Variants in INTS9 observed in about 807,000 individuals in gnomAD.
The protein encoded by INTS9 is integrator complex subunit 9.
Under a neutral mutation model 79.7 loss-of-function variants are expected in INTS9, and 55 were observed. That is an observed-to-expected ratio of 0.69 (90% CI 0.56 to 0.86). INTS9 has a LOEUF of 0.86. Ranked by LOEUF, INTS9 falls within the 40% of genes least tolerant of loss-of-function variation. The pLI, the probability that INTS9 is intolerant of heterozygous loss-of-function variation, is 0.00. For synonymous variants in INTS9, 319 were observed against 325.2 expected, an observed-to-expected ratio of 0.98 and a Z score of 0.20; for missense variants, 721 against 831.5, an observed-to-expected ratio of 0.87 and a Z score of 1.64.
chr8:28,820,594 A>G (rs958633591), intron 6 of INTS9, among the ~76,000 whole-genome samples: 5 of 152,152 alleles, frequency 3.3e-5, no homozygotes, highest in African/African-American at 1.2e-4. Context: ...ACTTTGGTGA[A>G]TCTGACAATT....
intron 14 of INTS9, among the ~76,000 whole-genome samples, chr8:28,773,829 T>C (rs1245640768): frequency 6.6e-6 from 1 of 151,962 alleles, no homozygotes; most frequent in Admixed American, 6.6e-5. Context: ...CCAGCTGAAA[T>C]ATATATTTTT....
chr8:28,881,737 C>CT (rs1809834312), intron 1 of INTS9, among the ~76,000 whole-genome samples: 1 of 136,296 alleles, frequency 7.3e-6, no homozygotes, highest in Non-Finnish European at 1.6e-5. Context: ...CCGGCCGCCC[C>CT]GTCCGGGAGG....
intron 14 of INTS9, among the ~76,000 whole-genome samples, chr8:28,772,612 C>T (rs1389419054): frequency 1.3e-5 from 2 of 151,966 alleles, no homozygotes; most frequent in Non-Finnish European, 2.9e-5. Flanking sequence ...TCAAGACCAT[C>T]CTGGCTAACA....
rs547659288 is a variant in INTS9 at position 28,781,927 on chromosome 8, C to A, written c.1099-933G>T. Reference sequence around the variant, plus strand: ...GGGAACCCCTACTGTAAACTCTGGGCTTTGGGCGAGAGTGACGTGTCAATG... The same window carrying A: ...GGGAACCCCTACTGTAAACTCTGGGATTTGGGCGAGAGTGACGTGTCAATG... On this transcript the variant is annotated intron_variant, in intron 11 of 16. Coordinates refer to ENST00000521022, the MANE Select transcript of INTS9 (RefSeq NM_018250.4). Among the ~76,000 whole-genome samples the A allele has an allele frequency of 3.3e-5, 5 of 152,208 alleles. No homozygotes were observed. The East Asian group carries it at 9.6e-4, about 29-fold the overall frequency.
chr8:28,788,088 A>T (rs888794730), intron 10 of INTS9, among the ~76,000 whole-genome samples, 199 bp from the exon 11 acceptor site: 1 of 152,236 alleles, frequency 6.6e-6, no homozygotes, highest in African/African-American at 2.4e-5. Context: ...GAATTTCTCA[A>T]TACATTTTTT....
intron 1 of INTS9, among the ~76,000 whole-genome samples, chr8:28,878,920 C>T (rs1408730748): frequency 6.6e-6 from 1 of 151,356 alleles, no homozygotes; most frequent in Non-Finnish European, 1.5e-5. Flanking sequence ...GTAGAGATTG[C>T]AGTGAGCCAA....
chr8:28,856,661 C>T (rs113736591), intron 2 of INTS9, among the ~76,000 whole-genome samples: 250 of 152,300 alleles, frequency 1.6e-3, no homozygotes, highest in South Asian at 5.6e-3. Context: ...ACTAAAGATA[C>T]ACATTTGTAA....
chr8:28,841,245 C>A (rs1460117747), intron 4 of INTS9, among the ~76,000 whole-genome samples: 1 of 152,194 alleles, frequency 6.6e-6, no homozygotes, highest in African/African-American at 2.4e-5. Flanking sequence ...GTGTCCTCCT[C>A]ATGAAGGACC....
chr8:28,853,436 CAAAG>C (rs2131269141), intron 2 of INTS9, among the ~76,000 whole-genome samples: 1 of 145,434 alleles, frequency 6.9e-6, no homozygotes, highest in Admixed American at 6.8e-5. Context: ...AAGAAAGAAA[CAAAG>C]AAAGAAAATC....
intron 8 of INTS9, among the ~76,000 whole-genome samples, chr8:28,799,836 C>T (rs1804424286): frequency 6.6e-6 from 1 of 152,228 alleles, no homozygotes; most frequent in African/African-American, 2.4e-5. Context: ...ACTCGGGCCT[C>T]ACTCAGCCAC....
At chr8:28,811,423 C>CTT (rs34423764) in intron 8 of INTS9, among the ~76,000 whole-genome samples, 1 of 144,800 alleles carries the variant, frequency 6.9e-6, no homozygotes, top group Non-Finnish European at 1.5e-5. Context: ...CATACCCGGC[C>CTT]TTTTTTTTTT....
chr8:28,855,535 C>T (rs575802180), intron 2 of INTS9, among the ~76,000 whole-genome samples: 1 of 152,114 alleles, frequency 6.6e-6, no homozygotes, highest in Non-Finnish European at 1.5e-5. Context: ...AATTGAAAGT[C>T]GTTATATGAA....
At chr8:28,814,972 T>C (rs780660530) in intron 6 of INTS9, among the ~76,000 whole-genome samples, 9 of 152,244 alleles carry the variant, frequency 5.9e-5, no homozygotes, top group Non-Finnish European at 1.2e-4. Flanking sequence ...CTAATTAGTT[T>C]TTTTAATCGT....
chr8:28,843,923 T>C (rs955553591), intron 4 of INTS9, among the ~76,000 whole-genome samples: 2 of 152,176 alleles, frequency 1.3e-5, no homozygotes, highest in African/African-American at 4.8e-5. Context: ...GCACTTCGTA[T>C]GGGTCCCATG....
intron 1 of INTS9, among the ~76,000 whole-genome samples, chr8:28,864,736 T>C (rs1026699548): frequency 1.3e-5 from 2 of 152,208 alleles, no homozygotes; most frequent in African/African-American, 4.8e-5. Flanking sequence ...TGTACATATC[T>C]TGGTTATAAA....
At position 28,813,489 on chromosome 8, in the gene INTS9, C is replaced by T. The variant is rs925770794; in HGVS notation, c.609+3G>A. 2 of 1,612,628 alleles carry T rather than the reference C, an allele frequency of 1.2e-6. No homozygotes were observed. The highest frequency in any genetic ancestry group is 1.3e-5 in the African/African-American group (1 of 74,860). On this transcript the variant is annotated splice_donor_region_variant and intron_variant, in intron 7 of 16. Transcript: ENST00000521022. ...ATAACTGAAATGTAATATGAATACT[C>T]ACAATTTTCTGAGAATATCCCACCA...
At chr8:28,783,112 TCCAG>T (rs1307193924) in intron 11 of INTS9, among the ~76,000 whole-genome samples, 1 of 132,588 alleles carries the variant, frequency 7.5e-6, no homozygotes, top group East Asian at 2.5e-4. Flanking sequence ...GCCACTGCAC[TCCAG>T]CCTGGGCGAC....
At chr8:28,830,459 C>T (rs562874295) in intron 6 of INTS9, among the ~76,000 whole-genome samples, 1 of 151,576 alleles carries the variant, frequency 6.6e-6, no homozygotes, top group Non-Finnish European at 1.5e-5. Context: ...CAAGGTGAAA[C>T]CCAAAAAATA....
intron 11 of INTS9, among the ~76,000 whole-genome samples, chr8:28,786,750 C>T (rs1803617160): frequency 6.6e-6 from 1 of 152,140 alleles, no homozygotes; most frequent in Middle Eastern, 3.2e-3. Context: ...CGGAGTCTCA[C>T]TCTGTGACCC....
Sources: allele counts gnomAD v4.1 joint callset (sites outside exome capture counted in the v4.1 genomes callset), GRCh38; gene constraint gnomAD v4.1.1; transcripts MANE v1.5; gene names NCBI Gene and HGNC (gene_info 2026-07-23, HGNC 2026-07-21).